The following CCDC171 variants were observed in gnomAD, a reference collection of about 807,000 sequenced individuals.
CCDC171 encodes the protein coiled-coil domain containing 171.
CCDC171 carries 177 observed loss-of-function variants against 168.2 expected under a neutral mutation model. That is an observed-to-expected ratio of 1.05 (90% CI 0.93 to 1.19). CCDC171 has a LOEUF of 1.19. CCDC171 is among the 50% of genes most tolerant of loss of function. The pLI is 0.00. For synonymous variants in CCDC171, 687 were observed against 540.8 expected, an observed-to-expected ratio of 1.27 and a Z score of -3.75; for missense variants, 1,991 against 1,539.0, an observed-to-expected ratio of 1.29 and a Z score of -4.91.
chr9:15,617,300 G>T (rs574713479), intron 6 of CCDC171, among the ~76,000 whole-genome samples: 2 of 152,000 alleles, frequency 1.3e-5, no homozygotes, highest in South Asian at 2.1e-4. Context: ...TTTTTGTGCT[G>T]ACTTTTCCTT....
At chr9:15,589,934 CAA>C (rs1166880478) in intron 4 of CCDC171, among the ~76,000 whole-genome samples, 37 of 152,046 alleles carry the variant, frequency 2.4e-4, no homozygotes, top group African/African-American at 8.7e-4. Context: ...GAAAATAACT[CAA>C]GATAACATCT....
At chr9:15,592,091 GTGACT>G (rs1384167501) in intron 5 of CCDC171, among the ~76,000 whole-genome samples, 2 of 151,492 alleles carry the variant, frequency 1.3e-5, no homozygotes, top group African/African-American at 4.9e-5. Flanking sequence ...GAAGTTGCCA[GTGACT>G]TAAAAGGTAG....
intron 25 of CCDC171, among the ~76,000 whole-genome samples, chr9:15,933,384 T>C (rs1028753176): frequency 6.6e-6 from 1 of 151,938 alleles, no homozygotes; most frequent in Non-Finnish European, 1.5e-5. Flanking sequence ...ATCTCTGATA[T>C]TATTTATTTT....
intron 21 of CCDC171, among the ~76,000 whole-genome samples, chr9:15,813,415 A>G (rs531838859): frequency 4.2e-4 from 64 of 152,232 alleles, no homozygotes; most frequent in East Asian, 9.7e-4. Context: ...ATGTGACCAA[A>G]ACTCTGGACA....
Position 15,948,095 on chromosome 9 carries a change from G to A in CCDC171, c.3754-23514G>A, listed in dbSNP as rs573229439. 4.3e-3 allele frequency among the ~76,000 whole-genome samples: 654 copies of A among 151,116 alleles called. 6 individuals are homozygous for A. Among genetic ancestry groups the A allele is most frequent in the African/African-American group, 0.015 (617 of 41,180 alleles). On this transcript the variant is annotated intron_variant, in intron 25 of 25. Coordinates refer to ENST00000380701, the MANE Select transcript of CCDC171 (RefSeq NM_173550.4). ...GTGGTGTTTGGTTTTTTGTTCTTGCGATAGTTTACTGAGAATGATGATTTC... is the reference window on the plus strand; with the variant it reads ...GTGGTGTTTGGTTTTTTGTTCTTGCAATAGTTTACTGAGAATGATGATTTC...
At chr9:15,928,910 A>G (rs1826190551) in intron 25 of CCDC171, among the ~76,000 whole-genome samples, 1 of 151,724 alleles carries the variant, frequency 6.6e-6, no homozygotes, top group South Asian at 2.1e-4. Flanking sequence ...CAATGGCCTC[A>G]TACCTTCTTT....
At chr9:15,565,009 G>C (rs1183642296) in intron 2 of CCDC171, among the ~76,000 whole-genome samples, 2 of 151,842 alleles carry the variant, frequency 1.3e-5, no homozygotes, top group African/African-American at 4.8e-5. Flanking sequence ...TGTGTGGGTG[G>C]GACAAGTACC....
intron 24 of CCDC171, among the ~76,000 whole-genome samples, chr9:15,919,096 CATGAAGGATCCACAGAAAACCAGG>C (rs1378096889): frequency 6.6e-6 from 1 of 151,558 alleles, no homozygotes; most frequent in Non-Finnish European, 1.5e-5. Context: ...TAGAAGCAGG[CATGAAGGATCCACAGAAAACCAGG>C]ATAGAAGTTA....
At chr9:15,796,081 G>A (rs1427868797) in intron 21 of CCDC171, among the ~76,000 whole-genome samples, 2 of 151,914 alleles carry the variant, frequency 1.3e-5, no homozygotes, top group Non-Finnish European at 1.5e-5. Context: ...TACACTTTAG[G>A]TGGTAGAAAT....
chr9:15,948,154 CTCA>C (rs1828660478), intron 25 of CCDC171, among the ~76,000 whole-genome samples: 2 of 151,544 alleles, frequency 1.3e-5, no homozygotes, highest in Admixed American at 1.3e-4. Flanking sequence ...AGGACATGAA[CTCA>C]TCATTTTTTA....
intron 21 of CCDC171, among the ~76,000 whole-genome samples, chr9:15,843,092 A>C (rs1435764496): frequency 1.3e-5 from 2 of 152,004 alleles, no homozygotes; most frequent in East Asian, 3.9e-4. Flanking sequence ...AAACAATCAA[A>C]TGTAAGTATT....
At chr9:16,086,572 T>A in the CCDC171 span, among the ~76,000 whole-genome samples, 1 of 152,098 alleles carries the variant, frequency 6.6e-6, no homozygotes, top group Non-Finnish European at 1.5e-5. Flanking sequence ...TCCCTATCAT[T>A]TTTTATTGTG....
chr9:15,814,682 A>C (rs994129416), intron 21 of CCDC171, among the ~76,000 whole-genome samples: 2 of 151,996 alleles, frequency 1.3e-5, no homozygotes. Flanking sequence ...TATTTTTATT[A>C]TATATAGAAA....
intron 24 of CCDC171, among the ~76,000 whole-genome samples, chr9:15,905,132 A>T (rs1490871509): frequency 6.6e-6 from 1 of 152,156 alleles, no homozygotes; most frequent in Non-Finnish European, 1.5e-5. Flanking sequence ...AAGTTAACAA[A>T]GATATCCAGG....
At chr9:15,857,200 A>AT (rs869199460) in intron 23 of CCDC171, among the ~76,000 whole-genome samples, 1 of 151,538 alleles carries the variant, frequency 6.6e-6, no homozygotes, top group Non-Finnish European at 1.5e-5. Context: ...TATTATTATT[A>AT]TTTTTTGCTA....
chr9:15,747,580 C>T (rs2055387328), intron 18 of CCDC171, among the ~76,000 whole-genome samples: 3 of 152,178 alleles, frequency 2.0e-5, no homozygotes, highest in African/African-American at 7.2e-5. Context: ...TGCTGTTTTG[C>T]AGCCTCCGCT....
intron 21 of CCDC171, among the ~76,000 whole-genome samples, chr9:15,818,572 G>A (rs181825012): frequency 8.5e-6 from 1 of 118,114 alleles, no homozygotes; most frequent in Non-Finnish European, 1.9e-5. Flanking sequence ...TAGCTGATTC[G>A]ATCAACTAGA....
chr9:15,688,005 G>A (rs1250248128), intron 10 of CCDC171, among the ~76,000 whole-genome samples: 1 of 151,764 alleles, frequency 6.6e-6, no homozygotes, highest in East Asian at 1.9e-4. Context: ...TGTAGTCCCA[G>A]CTACTTGGGA....
At chr9:16,021,132 G>T (rs933169316) in intron 4 of CCDC171, among the ~76,000 whole-genome samples, 1 of 152,226 alleles carries the variant, frequency 6.6e-6, no homozygotes, top group Admixed American at 6.5e-5. Context: ...TTGTCACCCA[G>T]GCTGGAGTGC....
Sources: gnomAD v4.1 joint callset for allele counts (sites outside exome capture counted in the v4.1 genomes callset) on GRCh38, gnomAD v4.1.1 for gene constraint, MANE v1.5 for transcripts, NCBI Gene and HGNC (gene_info 2026-07-23, HGNC 2026-07-21) for gene names.